The following PRICKLE2 variants were observed in gnomAD, a reference collection of about 807,000 sequenced individuals.
The protein encoded by PRICKLE2 is prickle planar cell polarity protein 2, also known as prickle-like protein 2.
In PRICKLE2, 21 loss-of-function variants were observed where a neutral mutation model predicts 81.4. The observed-to-expected ratio is 0.26, with a 90% confidence interval of 0.18 to 0.37. PRICKLE2 has a LOEUF of 0.37. Ranked by LOEUF, PRICKLE2 falls within the 10% of genes least tolerant of loss-of-function variation. The pLI is 1.00. For missense variants in PRICKLE2, 940 were observed against 1,109.0 expected, an observed-to-expected ratio of 0.85 and a Z score of 2.16; for synonymous variants, 456 against 421.5, an observed-to-expected ratio of 1.08 and a Z score of -1.00.
At chr3:64,117,966 C>G (rs1559518935) in intron 7 of PRICKLE2, among the ~76,000 whole-genome samples, 1 of 152,154 alleles carries the variant, frequency 6.6e-6, no homozygotes, top group Non-Finnish European at 1.5e-5. Flanking sequence ...TACAGGGCTA[C>G]AGTAACCAAG....
At position 64,093,456 on chromosome 3, in the gene PRICKLE2, C is replaced by T. The variant is rs2076530317; in HGVS notation, c.*5595G>A. 6.6e-6 allele frequency: 1 copy of T among 152,164 alleles called. No individual in the cohort carries two copies. 9.4% of individuals were successfully genotyped at this position (152,164 alleles called of 1,614,324 possible). On this transcript the variant is annotated 3_prime_UTR_variant, in exon 8 of 8. Transcript: ENST00000638394. ...AACTGCCATACTGTTTTCCACAGCA[C>T]TACATCATTTTACATTCCCACCAAC...
chr3:64,228,096 C>T (rs1054197553), upstream of PRICKLE2, among the ~76,000 whole-genome samples: 1 of 152,146 alleles, frequency 6.6e-6, no homozygotes, highest in Non-Finnish European at 1.5e-5. Context: ...GACAAGACAA[C>T]TATATTTTTG....
intron 2 of PRICKLE2, among the ~76,000 whole-genome samples, chr3:64,264,061 C>T (rs539439658): frequency 5.3e-5 from 8 of 152,020 alleles, no homozygotes; most frequent in South Asian, 4.2e-4. Context: ...CCCCACCCCC[C>T]ACTCCACAAC....
In PRICKLE2 at chr3:64,145,383, A is replaced by G. The variant is rs984153797; in HGVS notation, c.1660+1447T>C. The G allele has an allele frequency of 4.7e-5, 7 of 149,440 alleles. No homozygotes were observed. The East Asian group carries it at 5.9e-4, about 13-fold the overall frequency. 9.3% of individuals were successfully genotyped at this position (149,440 alleles called of 1,614,324 possible). On this transcript the variant is annotated intron_variant, in intron 7 of 7. Coordinates refer to ENST00000638394, the MANE Select transcript of PRICKLE2 (RefSeq NM_198859.4). ...TATATACACACGCTATATATTTTAT[A>G]TATATACACACACATATATGTTTGT...
intron 2 of PRICKLE2, among the ~76,000 whole-genome samples, chr3:64,171,346 G>A (rs1368412190): frequency 6.6e-6 from 1 of 152,158 alleles, no homozygotes; most frequent in Admixed American, 6.5e-5. Context: ...GGAGGGAGCT[G>A]CTTTGGCACA....
intron 2 of PRICKLE2, among the ~76,000 whole-genome samples, chr3:64,251,189 G>A (rs896714512): frequency 6.6e-6 from 1 of 152,324 alleles, no homozygotes; most frequent in African/African-American, 2.4e-5. Flanking sequence ...TCACTTCCAT[G>A]ACTAAAAGGC....
chr3:64,129,485 A>G (rs1383679597), intron 7 of PRICKLE2, among the ~76,000 whole-genome samples: 1 of 152,180 alleles, frequency 6.6e-6, no homozygotes, highest in Non-Finnish European at 1.5e-5. Context: ...GAGATCGGGA[A>G]TGCAAAGAAT....
In PRICKLE2 at chr3:64,097,000, G is replaced by T. The variant is rs930725406; in HGVS notation, c.*2051C>A. On this transcript the variant is annotated 3_prime_UTR_variant, in exon 8 of 8. Transcript: ENST00000638394. ...CAGAAACCTGCCACTTTAGTAGCAC[G>T]GTATTGCAAATTATTTCTTAATCAG... The T allele has an allele frequency of 1.3e-5, 2 of 152,486 alleles. No homozygotes were observed. The highest frequency in any genetic ancestry group is 2.4e-5 in the African/African-American group (1 of 41,394). The allele number at this position is 152,486 out of a possible 1,614,324, so 9.4% of individuals were successfully genotyped here. A position where few individuals can be genotyped will look rare whatever the true frequency, so the allele number is the denominator to read the frequency against.
chr3:64,239,771 CT>C lies in PRICKLE2; in HGVS notation c.129-40805del, dbSNP rs145350962. On this transcript the variant is annotated intron_variant, in intron 2 of 8. Transcript: ENST00000295902. Reference sequence around the variant, plus strand: ...ATAATTATTAAGTGTAAGCATCCGTCTAATTTCTGAATCGATTTCCTTTTTC... The same window carrying C: ...ATAATTATTAAGTGTAAGCATCCGTCAATTTCTGAATCGATTTCCTTTTTC... Among the ~76,000 whole-genome samples, 863 of 152,092 alleles carry C rather than the reference CT, an allele frequency of 5.7e-3. 5 individuals carry two copies. Among genetic ancestry groups the C allele is most frequent in the African/African-American group, 0.02 (824 of 41,476 alleles).
At chr3:64,199,318 T>G in intron 1 of PRICKLE2, 1 of 392,222 alleles carries the variant, frequency 2.5e-6, no homozygotes, top group Non-Finnish European at 4.6e-6. Context: ...ACAATTTCCT[T>G]GACTGCAATA....
chr3:64,219,814 G>C (rs970425654), intron 1 of PRICKLE2, among the ~76,000 whole-genome samples: 3 of 152,144 alleles, frequency 2.0e-5, no homozygotes, highest in Admixed American at 1.3e-4. Context: ...TAATTATCCT[G>C]GGTTCGAATC....
intron 2 of PRICKLE2, among the ~76,000 whole-genome samples, chr3:64,251,017 T>A (rs1360757773): frequency 6.6e-6 from 1 of 152,208 alleles, no homozygotes; most frequent in Non-Finnish European, 1.5e-5. Flanking sequence ...TTTGTCTATC[T>A]TCACCCATTA....
chr3:64,235,045 T>C (rs1256850185), intron 2 of PRICKLE2, among the ~76,000 whole-genome samples: 1 of 152,190 alleles, frequency 6.6e-6, no homozygotes, highest in Non-Finnish European at 1.5e-5. Context: ...TCTTAGGAGC[T>C]CTGTTTATTT....
intron 2 of PRICKLE2, among the ~76,000 whole-genome samples, chr3:64,170,420 A>G (rs1354513187): frequency 2.0e-5 from 3 of 152,294 alleles, no homozygotes; most frequent in East Asian, 1.9e-4. Flanking sequence ...GGACCAGTCT[A>G]GCTATGACTA....
chr3:64,230,375 T>C (rs75059249), upstream of PRICKLE2, among the ~76,000 whole-genome samples: 1,545 of 152,314 alleles, frequency 0.01, 23 homozygotes, highest in African/African-American at 0.036. Flanking sequence ...AAATGAGTAT[T>C]AGAGATCAAA....
intron 4 of PRICKLE2, 87 bp from the exon 5 acceptor site, chr3:64,157,452 C>A: frequency 7.4e-7 from 1 of 1,356,710 alleles, no homozygotes; most frequent in Non-Finnish European, 1.0e-6. Flanking sequence ...CCACCATTAG[C>A]TGGCTACTGA....
intron 2 of PRICKLE2, among the ~76,000 whole-genome samples, chr3:64,189,459 A>G (rs1453884627): frequency 1.3e-5 from 2 of 152,170 alleles, no homozygotes; most frequent in Non-Finnish European, 2.9e-5. Context: ...AGCAATGTGC[A>G]TGCTCTTCAC....
intron 1 of PRICKLE2, among the ~76,000 whole-genome samples, chr3:64,204,198 G>A (rs1221465413): frequency 1.3e-5 from 2 of 151,986 alleles, no homozygotes; most frequent in African/African-American, 4.8e-5. Context: ...TATGTTAAAG[G>A]CAGCAAGTGC....
At chr3:64,197,350 T>C (rs2078474392) in intron 2 of PRICKLE2, among the ~76,000 whole-genome samples, 1 of 152,228 alleles carries the variant, frequency 6.6e-6, no homozygotes, top group Non-Finnish European at 1.5e-5. Flanking sequence ...TCTTCCACAA[T>C]GGCCGAACTC....
Sources: gnomAD v4.1 joint callset for allele counts (sites outside exome capture counted in the v4.1 genomes callset) on GRCh38, gnomAD v4.1.1 for gene constraint, MANE v1.5 for transcripts, NCBI Gene and HGNC (gene_info 2026-07-23, HGNC 2026-07-21) for gene names.